Variants in AGBL1 observed in about 807,000 individuals in gnomAD.
The protein encoded by AGBL1 is cytosolic carboxypeptidase 4.
In AGBL1, 130 loss-of-function variants were observed where a neutral mutation model predicts 118.9. The observed-to-expected ratio is 1.09, with a 90% CI of 0.95 to 1.26. AGBL1 has a LOEUF of 1.26. AGBL1 is among the 50% of genes most tolerant of loss of function. AGBL1 has a pLI of 0.00. For missense variants in AGBL1, 1,584 were observed against 1,298.1 expected (o/e 1.22, Z -3.38); for synonymous variants, 555 against 478.9 (o/e 1.16, Z -2.08).
intron 17 of AGBL1, among the ~76,000 whole-genome samples, chr15:86,367,179 A>C (rs1199909569): frequency 6.6e-6 from 1 of 152,246 alleles, no homozygotes; most frequent in African/African-American, 2.4e-5. Flanking sequence ...CATGTAAATC[A>C]AAAGTTTGGG....
intron 22 of AGBL1, among the ~76,000 whole-genome samples, chr15:86,725,185 A>G (rs1348001652): frequency 6.6e-6 from 1 of 152,362 alleles, no homozygotes; most frequent in Non-Finnish European, 1.5e-5. Flanking sequence ...AATTTCCAAT[A>G]TATGACAAGC....
chr15:86,653,887 T>C (rs778214050), intron 21 of AGBL1, among the ~76,000 whole-genome samples: 2 of 152,142 alleles, frequency 1.3e-5, no homozygotes, highest in African/African-American at 2.4e-5. Flanking sequence ...CATTTTTTTT[T>C]AAGTGTGTTT....
intron 17 of AGBL1, among the ~76,000 whole-genome samples, chr15:86,320,668 A>G (rs1362148705): frequency 6.6e-6 from 1 of 152,038 alleles, no homozygotes; most frequent in East Asian, 1.9e-4. Flanking sequence ...TCTTCAAAGA[A>G]ATGCTCTTAA....
At chr15:86,622,692 T>C (rs1045582743) in intron 21 of AGBL1, among the ~76,000 whole-genome samples, 1 of 152,086 alleles carries the variant, frequency 6.6e-6, no homozygotes, top group Non-Finnish European at 1.5e-5. Flanking sequence ...TCCTCAACCA[T>C]TTTGGCACCA....
At chr15:86,486,730 T>G (rs2082716816) in intron 18 of AGBL1, among the ~76,000 whole-genome samples, 1 of 152,114 alleles carries the variant, frequency 6.6e-6, no homozygotes, top group African/African-American at 2.4e-5. Flanking sequence ...ATACAGTGAA[T>G]CTCCATGTGT....
At chr15:86,183,671 T>A (rs1430048480) in intron 5 of AGBL1, among the ~76,000 whole-genome samples, 1 of 152,172 alleles carries the variant, frequency 6.6e-6, no homozygotes, top group Non-Finnish European at 1.5e-5. Flanking sequence ...TTGAACTAAT[T>A]TGTTTTTGAA....
At chr15:86,935,579 C>T (rs554576814) in intron 23 of AGBL1, among the ~76,000 whole-genome samples, 1 of 152,178 alleles carries the variant, frequency 6.6e-6, no homozygotes, top group African/African-American at 2.4e-5. Context: ...GCCATATCAC[C>T]CTGAGTGGAC....
chr15:86,529,657 C>T (rs998539910), intron 19 of AGBL1, among the ~76,000 whole-genome samples: 7 of 144,722 alleles, frequency 4.8e-5, no homozygotes, highest in African/African-American at 1.6e-4. Context: ...ACATAATTGT[C>T]AGATTCACCA....
intron 22 of AGBL1, among the ~76,000 whole-genome samples, chr15:86,859,498 A>G (rs2079530937): frequency 6.6e-6 from 1 of 152,180 alleles, no homozygotes; most frequent in Non-Finnish European, 1.5e-5. Context: ...TCTATCTCCC[A>G]TGAAGAGTAC....
chr15:86,588,582 C>T (rs2084287997), intron 21 of AGBL1, among the ~76,000 whole-genome samples: 1 of 152,190 alleles, frequency 6.6e-6, no homozygotes, highest in Non-Finnish European at 1.5e-5. Flanking sequence ...TGCCTGAAGT[C>T]AGACACCACG....
At position 86,668,955 on chromosome 15, in the gene AGBL1, C is replaced by A. The variant is rs191953153; in HGVS notation, c.2995-5318C>A. On this transcript the variant is annotated intron_variant, in intron 21 of 22. Transcript: ENST00000614907. ...GATTTGGAATCACAATTCAAATGTA[C>A]CTGTAGCTCAAAAGGCCTCAAGCCA... Among the ~76,000 whole-genome samples, 796 of 152,274 alleles carry A rather than the reference C, an allele frequency of 5.2e-3. 2 individuals carry two copies. Among genetic ancestry groups the A allele is most frequent in the Non-Finnish European group, 7.2e-3 (492 of 68,026 alleles).
chr15:86,119,724 T>C (rs1258554641), intron 1 of AGBL1, among the ~76,000 whole-genome samples: 1 of 151,908 alleles, frequency 6.6e-6, no homozygotes, highest in Non-Finnish European at 1.5e-5. Context: ...TGGAAACTAG[T>C]AGATAAAAGT....
intron 20 of AGBL1, among the ~76,000 whole-genome samples, chr15:86,552,088 T>A (rs926099359): frequency 5.3e-5 from 8 of 152,182 alleles, no homozygotes; most frequent in Non-Finnish European, 1.0e-4. Flanking sequence ...TTCAAACCCA[T>A]AAGATGTACA....
chr15:86,927,026 C>G (rs1248038784), intron 23 of AGBL1, among the ~76,000 whole-genome samples: 2 of 151,968 alleles, frequency 1.3e-5, no homozygotes, highest in Non-Finnish European at 2.9e-5. Context: ...GTAATCCTAG[C>G]TGCTCAGGAG....
intron 18 of AGBL1, among the ~76,000 whole-genome samples, chr15:86,483,127 T>C (rs2082673226): frequency 6.6e-6 from 1 of 152,120 alleles, no homozygotes; most frequent in East Asian, 1.9e-4. Flanking sequence ...CTGAGCTGCA[T>C]GCCTCTCCAT....
In AGBL1 at chr15:86,424,001, T is replaced by C. The variant is rs143139844; in HGVS notation, c.2555+26455T>C. ...GAATGCTAACCCCATCAAGCTACCA[T>C]TGACTTTCTTCACAGAATTAGAAAA... On this transcript the variant is annotated intron_variant, in intron 18 of 22. Coordinates refer to ENST00000614907, the MANE Select transcript of AGBL1 (RefSeq NM_001386094.1). Among the ~76,000 whole-genome samples, 331 of 152,272 alleles carry C rather than the reference T, an allele frequency of 2.2e-3. 4 individuals carry two copies. The highest frequency in any genetic ancestry group is 7.6e-3 in the African/African-American group (314 of 41,560).
chr15:86,632,274 TAAA>T (rs138490379), intron 21 of AGBL1, among the ~76,000 whole-genome samples: 1 of 125,280 alleles, frequency 8.0e-6, no homozygotes, highest in Admixed American at 8.1e-5. Context: ...TCTTTCTCTT[TAAA>T]AAAAAAAAAA....
intron 22 of AGBL1, among the ~76,000 whole-genome samples, chr15:86,829,440 G>A (rs1317753817): frequency 6.6e-6 from 1 of 152,126 alleles, no homozygotes; most frequent in Non-Finnish European, 1.5e-5. Context: ...TGTTGCTGTG[G>A]TAAAGAATGA....
chr15:86,820,087 A>G (rs11073675), intron 22 of AGBL1, among the ~76,000 whole-genome samples: 48,733 of 152,068 alleles, frequency 0.32, 9,878 homozygotes, highest in Non-Finnish European at 0.47. Context: ...CTGGCTAGCC[A>G]TATGCAGAAA....
Sources: gnomAD v4.1 joint callset for allele counts (sites outside exome capture counted in the v4.1 genomes callset) on GRCh38, gnomAD v4.1.1 for gene constraint, MANE v1.5 for transcripts, NCBI Gene and HGNC (gene_info 2026-07-23, HGNC 2026-07-21) for gene names.